The following SLX4IP variants were observed in gnomAD, a reference collection of about 807,000 sequenced individuals.
The protein encoded by SLX4IP is SLX4 interacting protein.
Under a neutral mutation model 32.9 loss-of-function variants are expected in SLX4IP, and 34 were observed. The ratio of observed to expected loss-of-function variants is 1.03; its 90% CI spans 0.79 to 1.38. SLX4IP has a LOEUF of 1.38. Ranked by LOEUF, SLX4IP falls within the 40% of genes most tolerant of loss-of-function variation. SLX4IP has a pLI of 0.00. For missense variants in SLX4IP, 444 were observed against 479.0 expected (o/e 0.93, Z 0.68); for synonymous variants, 172 against 171.7 (o/e 1.00, Z -0.01).
At chr20:10,443,217 C>T (rs192910995) in intron 1 of SLX4IP, among the ~76,000 whole-genome samples, 3 of 151,710 alleles carry the variant, frequency 2.0e-5, no homozygotes, top group Admixed American at 1.3e-4. Context: ...AGGTATAAAT[C>T]TAAAAAAAAA....
At chr20:10,598,879 C>T (rs1306320811) in intron 5 of SLX4IP, 127 bp downstream of exon 5, 12 of 889,712 alleles carry the variant, frequency 1.3e-5, no homozygotes, top group Non-Finnish European at 1.8e-5. Context: ...TGAGTGTGTC[C>T]GAAAGTTTGC....
At chr20:10,589,487 T>A (rs1017030321) in intron 4 of SLX4IP, among the ~76,000 whole-genome samples, 1 of 152,134 alleles carries the variant, frequency 6.6e-6, no homozygotes, top group African/African-American at 2.4e-5. Context: ...AGATTTATTA[T>A]AAATAAAGCT....
chr20:10,497,325 C>T (rs2065676440), intron 2 of SLX4IP, among the ~76,000 whole-genome samples: 1 of 152,106 alleles, frequency 6.6e-6, no homozygotes, highest in Non-Finnish European at 1.5e-5. Context: ...GTAGATGAGA[C>T]ATCTGCCATT....
chr20:10,541,821 C>T (rs566503673), intron 2 of SLX4IP, among the ~76,000 whole-genome samples: 1 of 152,244 alleles, frequency 6.6e-6, no homozygotes, highest in South Asian at 2.1e-4. Context: ...GGATTATTGT[C>T]CCATTGTACA....
intron 2 of SLX4IP, among the ~76,000 whole-genome samples, chr20:10,539,216 A>G (rs1015774155): frequency 6.6e-6 from 1 of 152,220 alleles, no homozygotes; most frequent in African/African-American, 2.4e-5. Context: ...TAGAAAGAAA[A>G]AAAGGCATTC....
At chr20:10,551,887 C>T (rs148985931) in intron 2 of SLX4IP, among the ~76,000 whole-genome samples, 148 of 152,248 alleles carry the variant, frequency 9.7e-4, no homozygotes, top group Non-Finnish European at 1.6e-3. Flanking sequence ...GTGGACTGAT[C>T]CGATTTATAG....
At chr20:10,457,412 TTTTTTG>T (rs1441905880) in intron 1 of SLX4IP, among the ~76,000 whole-genome samples, 3 of 150,054 alleles carry the variant, frequency 2.0e-5, no homozygotes, top group African/African-American at 7.3e-5. Flanking sequence ...GTGTTGGCTT[TTTTTTG>T]TTTTTAATTA....
intron 2 of SLX4IP, among the ~76,000 whole-genome samples, chr20:10,548,691 G>T (rs184849295): frequency 3.1e-4 from 47 of 152,328 alleles, no homozygotes; most frequent in Admixed American, 2.1e-3. Context: ...GATCACCAGC[G>T]ATCTCCTAAA....
At chr20:10,503,421 T>C (rs998839848) in intron 2 of SLX4IP, among the ~76,000 whole-genome samples, 2 of 152,288 alleles carry the variant, frequency 1.3e-5, no homozygotes, top group Admixed American at 1.3e-4. Context: ...CCTTAAGAAG[T>C]AGCCAAATGT....
chr20:10,506,072 CATG>C (rs2065757238), intron 2 of SLX4IP, among the ~76,000 whole-genome samples: 1 of 152,178 alleles, frequency 6.6e-6, no homozygotes, highest in Admixed American at 6.5e-5. Context: ...ACTATTTTAA[CATG>C]ATCAGCATGT....
intron 1 of SLX4IP, among the ~76,000 whole-genome samples, chr20:10,445,651 G>A (rs2065196291): frequency 7.2e-6 from 1 of 138,486 alleles, no homozygotes; most frequent in Non-Finnish European, 1.5e-5. Context: ...TTGAGATGGA[G>A]TCTCACTCTG....
At chr20:10,453,469 A>G (rs1032944584) in intron 1 of SLX4IP, among the ~76,000 whole-genome samples, 3 of 151,662 alleles carry the variant, frequency 2.0e-5, no homozygotes, top group African/African-American at 7.3e-5. Context: ...CTCCTGTCTC[A>G]CCCTTCCTGT....
At chr20:10,456,166 G>A (rs1180930586) in intron 1 of SLX4IP, among the ~76,000 whole-genome samples, 8 of 152,094 alleles carry the variant, frequency 5.3e-5, no homozygotes, top group African/African-American at 1.7e-4. Flanking sequence ...TTTGTGTTTA[G>A]ATTTGGATCT....
At chr20:10,558,616 A>G (rs190904441) in intron 3 of SLX4IP, among the ~76,000 whole-genome samples, 2 of 152,334 alleles carry the variant, frequency 1.3e-5, no homozygotes, top group East Asian at 3.9e-4. Flanking sequence ...TACATGTATT[A>G]ACATATGTTT....
At chr20:10,475,257 T>A (rs1456894953) in intron 2 of SLX4IP, among the ~76,000 whole-genome samples, 1 of 152,194 alleles carries the variant, frequency 6.6e-6, no homozygotes, top group Non-Finnish European at 1.5e-5. Flanking sequence ...CTTGTTCAGC[T>A]CCTTCAGTGA....
At chr20:10,594,726 T>C (rs562701042) in intron 4 of SLX4IP, among the ~76,000 whole-genome samples, 1 of 152,352 alleles carries the variant, frequency 6.6e-6, no homozygotes, top group South Asian at 2.1e-4. Flanking sequence ...ATGGAATTTG[T>C]TCAATTCATA....
At chr20:10,520,452 C>A (rs1248309315) in intron 2 of SLX4IP, among the ~76,000 whole-genome samples, 1 of 152,210 alleles carries the variant, frequency 6.6e-6, no homozygotes, top group Non-Finnish European at 1.5e-5. Flanking sequence ...CATTTTCTCC[C>A]ATTCTGTGAA....
intron 5 of SLX4IP, among the ~76,000 whole-genome samples, chr20:10,599,744 C>G (rs1485989616): frequency 6.6e-6 from 1 of 152,128 alleles, no homozygotes; most frequent in Non-Finnish European, 1.5e-5. Context: ...GTTCAACTCT[C>G]TAGTAAAATA....
chr20:10,558,161 G>A (rs926614986), intron 3 of SLX4IP, among the ~76,000 whole-genome samples: 192 of 152,104 alleles, frequency 1.3e-3, no homozygotes, highest in African/African-American at 4.6e-3. Context: ...GCAACATGGT[G>A]AACCCCCATC....
Sources: gnomAD v4.1 joint callset for allele counts (sites outside exome capture counted in the v4.1 genomes callset) on GRCh38, gnomAD v4.1.1 for gene constraint, MANE v1.5 for transcripts, NCBI Gene and HGNC (gene_info 2026-07-23, HGNC 2026-07-21) for gene names.